The following CDH13 variants were observed in gnomAD, a reference collection of about 807,000 sequenced individuals.
CDH13 encodes the protein cadherin-13.
Under a neutral mutation model 63.8 loss-of-function variants are expected in CDH13, and 24 were observed. The ratio of observed to expected loss-of-function variants is 0.38; its 90% confidence interval spans 0.27 to 0.53. The LOEUF (loss-of-function observed/expected upper bound fraction) is 0.53. CDH13 is among the 20% of genes least tolerant of loss of function. The pLI is 0.85. For synonymous variants in CDH13, 503 were observed against 355.3 expected (o/e 1.42, Z -4.67); for missense variants, 1,049 against 903.1 (o/e 1.16, Z -2.07).
chr16:83,234,707 AC>A (rs1413794965), intron 5 of CDH13, among the ~76,000 whole-genome samples: 2 of 152,134 alleles, frequency 1.3e-5, no homozygotes, highest in Non-Finnish European at 2.9e-5. Context: ...TTGTAGCCCT[AC>A]CCCCAGCCCC....
At position 83,341,857 on chromosome 16, in the gene CDH13, C is replaced by T. The variant is rs575625984; in HGVS notation, c.637-3005C>T. ...TCAGAGTCTGCTATTGCTATTCCTG[C>T]GGTCTAGAAATCATTTTCCATGTGT... On this transcript the variant is annotated intron_variant, in intron 5 of 13. Transcript: ENST00000567109. 9.2e-5 allele frequency among the ~76,000 whole-genome samples: 14 copies of T among 152,246 alleles called. No individual in the cohort carries two copies. The South Asian group carries it at 1.9e-3, about 20-fold the overall frequency.
chr16:83,341,989 C>CCCCACACACACACACACA lies in CDH13; in HGVS notation c.637-2872_637-2871insCCACACACACACACACAC, dbSNP rs767233245. Among the ~76,000 whole-genome samples the CCCCACACACACACACACA allele has an allele frequency of 1.2e-3, 161 of 138,068 alleles. 1 individual carries two copies. Among genetic ancestry groups the CCCCACACACACACACACA allele is most frequent in the Non-Finnish European group, 2.2e-3 (143 of 64,252 alleles). The allele number at this position is 138,068 out of a possible 152,430, so 90.6% of individuals were successfully genotyped here. ...ATTTATTTTGAATAGGTGTCCCCTG[C>CCCCACACACACACACACA]CACACACACACACACACACACACAC... is the stretch of plus-strand genomic sequence containing the variant. On this transcript the variant is annotated intron_variant, in intron 5 of 13. Transcript: ENST00000567109.
rs1168012793 is a variant in CDH13, at chr16:83,646,712, A to AAAAAAAAAACACACAC, written c.1102-24077_1102-24076insAAAAAAAACACACACA. On this transcript the variant is annotated intron_variant, in intron 8 of 13. Transcript: ENST00000567109. ...CGTCTCAAAAAAAAAAAAAAAAAAA[A>AAAAAAAAAACACACAC]ACACACACACACACACACACACACA... is the stretch of plus-strand genomic sequence containing the variant. Among the ~76,000 whole-genome samples, 4 of 80,488 alleles carry AAAAAAAAAACACACAC rather than the reference A, an allele frequency of 5.0e-5. 1 individual carries two copies. Among genetic ancestry groups the AAAAAAAAAACACACAC allele is most frequent in the Non-Finnish European group, 4.9e-5 (2 of 40,834 alleles). The allele number at this position is 80,488 out of a possible 152,430, so 52.8% of individuals were successfully genotyped here.
At chr16:83,354,202 C>A (rs1291453701) in intron 6 of CDH13, among the ~76,000 whole-genome samples, 2 of 152,194 alleles carry the variant, frequency 1.3e-5, no homozygotes, top group African/African-American at 2.4e-5. Flanking sequence ...ACAGAACGTG[C>A]TCACCAGCGC....
chr16:83,357,228 A>G (rs1030677760), intron 6 of CDH13, among the ~76,000 whole-genome samples: 3 of 152,018 alleles, frequency 2.0e-5, no homozygotes, highest in African/African-American at 7.2e-5. Context: ...CATTTCTGCA[A>G]TTTTACCCTC....
chr16:83,300,570 G>A (rs1235327268), intron 5 of CDH13, among the ~76,000 whole-genome samples: 2 of 152,222 alleles, frequency 1.3e-5, no homozygotes, highest in Non-Finnish European at 2.9e-5. Context: ...CAAATCTTAT[G>A]TGCTTGGCAC....
intron 5 of CDH13, among the ~76,000 whole-genome samples, chr16:83,276,666 C>T (rs112481356): frequency 5.3e-5 from 8 of 151,910 alleles, no homozygotes; most frequent in Non-Finnish European, 1.0e-4. Flanking sequence ...TTCGGGAGAT[C>T]GAGACCATCC....
At chr16:83,284,277 A>C (rs1011973865) in intron 5 of CDH13, among the ~76,000 whole-genome samples, 3 of 152,228 alleles carry the variant, frequency 2.0e-5, no homozygotes, top group African/African-American at 4.8e-5. Flanking sequence ...TGAGTAGTCA[A>C]AGCAGAGAGT....
intron 7 of CDH13, among the ~76,000 whole-genome samples, chr16:83,537,830 C>G (rs1235123537): frequency 6.6e-6 from 1 of 152,162 alleles, no homozygotes; most frequent in East Asian, 1.9e-4. Context: ...TTATACCAAT[C>G]TTCCCATGTT....
rs561773532 is a variant in CDH13 at position 83,332,960 on chromosome 16, A to G, written c.637-11902A>G. Among the ~76,000 whole-genome samples the G allele has an allele frequency of 2.6e-5, 4 of 152,344 alleles. No individual in the cohort carries two copies. The East Asian group carries it at 7.7e-4, about 29-fold the overall frequency. On this transcript the variant is annotated intron_variant, in intron 5 of 13. Coordinates refer to ENST00000567109, the MANE Select transcript of CDH13 (RefSeq NM_001257.5). ...TTCAAATTCATAAAGGAAATACTGTACCTCTAAGCAGAGCAGGATTTTCAA... is the reference window on the plus strand; with the variant it reads ...TTCAAATTCATAAAGGAAATACTGTGCCTCTAAGCAGAGCAGGATTTTCAA...
intron 1 of CDH13, among the ~76,000 whole-genome samples, chr16:82,781,124 G>T (rs994061547): frequency 6.6e-6 from 1 of 152,178 alleles, no homozygotes; most frequent in African/African-American, 2.4e-5. Context: ...TTCACTTGAG[G>T]TATCATTTCT....
At chr16:83,523,807 A>G (rs1598216445) in intron 7 of CDH13, among the ~76,000 whole-genome samples, 2 of 152,238 alleles carry the variant, frequency 1.3e-5, no homozygotes, top group South Asian at 4.1e-4. Context: ...AAGAACGACA[A>G]CAGTCCCCAT....
intron 4 of CDH13, among the ~76,000 whole-genome samples, chr16:83,192,730 A>T (rs572819115): frequency 6.6e-6 from 1 of 152,110 alleles, no homozygotes; most frequent in African/African-American, 2.4e-5. Context: ...GAATTCCGGG[A>T]AGTTGAGGGA....
At chr16:83,421,894 T>C (rs974238496) in intron 6 of CDH13, among the ~76,000 whole-genome samples, 1 of 152,204 alleles carries the variant, frequency 6.6e-6, no homozygotes, top group African/African-American at 2.4e-5. Context: ...AAGCACCTTC[T>C]CATGAAAGCA....
intron 2 of CDH13, among the ~76,000 whole-genome samples, chr16:82,898,467 G>A (rs1297201285): frequency 4.6e-5 from 7 of 152,240 alleles, no homozygotes; most frequent in Admixed American, 2.6e-4. Context: ...AGAGGTTGCA[G>A]TGAGCCAAGA....
At chr16:82,949,806 T>C (rs1179569113) in intron 2 of CDH13, among the ~76,000 whole-genome samples, 5 of 152,162 alleles carry the variant, frequency 3.3e-5, no homozygotes, top group South Asian at 2.1e-4. Flanking sequence ...GTGTTAATTA[T>C]AAGTTGCTTT....
At chr16:83,094,617 C>T (rs951975142) in intron 3 of CDH13, among the ~76,000 whole-genome samples, 7 of 152,196 alleles carry the variant, frequency 4.6e-5, no homozygotes, top group African/African-American at 1.7e-4. Flanking sequence ...TTATAGCTGT[C>T]AGCCTCCAAC....
At chr16:82,747,008 G>A (rs2034205200) in intron 1 of CDH13, among the ~76,000 whole-genome samples, 1 of 152,182 alleles carries the variant, frequency 6.6e-6, no homozygotes, top group Non-Finnish European at 1.5e-5. Flanking sequence ...GAATTGAATT[G>A]TTAGATTGTC....
At chr16:83,107,370 T>C (rs73602224) in intron 3 of CDH13, among the ~76,000 whole-genome samples, 4,160 of 152,244 alleles carry the variant, frequency 0.027, 186 homozygotes, top group African/African-American at 0.096. Flanking sequence ...CTAGTATAAA[T>C]AGTTTGGTAC....
Sources: gnomAD v4.1 joint callset for allele counts (sites outside exome capture counted in the v4.1 genomes callset) on GRCh38, gnomAD v4.1.1 for gene constraint, MANE v1.5 for transcripts, NCBI Gene and HGNC (gene_info 2026-07-23, HGNC 2026-07-21) for gene names.